SCD5: variants seen among roughly 807,000 people sequenced by gnomAD.
The protein encoded by SCD5 is acyl-CoA-desaturase 4.
Under a neutral mutation model 30.4 loss-of-function variants are expected in SCD5, and 20 were observed. The observed-to-expected ratio is 0.66, with a 90% confidence interval of 0.46 to 0.96. The LOEUF (loss-of-function observed/expected upper bound fraction) is 0.96. Among genes scored for constraint, SCD5 ranks in the 40% least tolerant of loss-of-function variants. SCD5 has a pLI of 0.00. For missense variants in SCD5, 381 were observed against 443.3 expected (o/e 0.86, Z 1.26); for synonymous variants, 173 against 176.4 (o/e 0.98, Z 0.16).
At position 82,665,086 on chromosome 4, in the gene SCD5, T is replaced by A. The variant is rs1004337192; in HGVS notation, c.569+15621A>T. On this transcript the variant is annotated intron_variant, in intron 3 of 4. Transcript: ENST00000319540. ...CATATATATATATATATTTTTTTTTTAATTTAATCAGGCATGGTGGTATGT... is the reference window on the plus strand; with the variant it reads ...CATATATATATATATATTTTTTTTTAAATTTAATCAGGCATGGTGGTATGT... Among the ~76,000 whole-genome samples the A allele has an allele frequency of 2.7e-4, 37 of 136,204 alleles. 1 individual carries two copies. The highest frequency in any genetic ancestry group is 1.0e-3 in the African/African-American group (35 of 35,156). 89.4% of individuals were successfully genotyped at this position (136,204 alleles called of 152,430 possible).
intron 1 of SCD5, among the ~76,000 whole-genome samples, chr4:82,788,116 C>T (rs1160008665): frequency 2.6e-5 from 4 of 152,154 alleles, no homozygotes; most frequent in Non-Finnish European, 5.9e-5. Context: ...TGTGAAGACA[C>T]AGAAAGAAGG....
intron 1 of SCD5, among the ~76,000 whole-genome samples, chr4:82,730,835 C>T: frequency 6.6e-6 from 1 of 152,012 alleles, no homozygotes. Context: ...CCGCTTGCCT[C>T]GGCCTCCCAA....
At chr4:82,710,811 G>A (rs1217919802) in intron 1 of SCD5, among the ~76,000 whole-genome samples, 1 of 151,394 alleles carries the variant, frequency 6.6e-6, no homozygotes, top group Non-Finnish European at 1.5e-5. Flanking sequence ...AGGGAGAGAG[G>A]GAGGGAGGGA....
At chr4:82,755,103 C>G (rs1345733815) in intron 1 of SCD5, among the ~76,000 whole-genome samples, 1 of 132,262 alleles carries the variant, frequency 7.6e-6, no homozygotes, top group Non-Finnish European at 1.5e-5. Context: ...AACTATGCAG[C>G]TAACAAGAAG....
intron 1 of SCD5, among the ~76,000 whole-genome samples, chr4:82,752,482 C>T (rs979163728): frequency 8.6e-5 from 13 of 152,032 alleles, no homozygotes; most frequent in Non-Finnish European, 1.8e-4. Context: ...CCTGCATAAA[C>T]CAAAAGCTGT....
chr4:82,735,063 C>T (rs939441651), intron 1 of SCD5, among the ~76,000 whole-genome samples: 1 of 152,136 alleles, frequency 6.6e-6, no homozygotes, highest in African/African-American at 2.4e-5. Flanking sequence ...GCCACCACGC[C>T]CAGCCTGAGC....
chr4:82,766,737 C>T (rs1721495497), intron 1 of SCD5, among the ~76,000 whole-genome samples: 1 of 152,100 alleles, frequency 6.6e-6, no homozygotes, highest in Non-Finnish European at 1.5e-5. Flanking sequence ...TTCTGGAATC[C>T]AGTTAAGTTA....
At chr4:82,750,009 T>C (rs559342395) in intron 1 of SCD5, among the ~76,000 whole-genome samples, 4 of 152,340 alleles carry the variant, frequency 2.6e-5, no homozygotes, top group South Asian at 2.1e-4. Flanking sequence ...TGTATAACTG[T>C]AGCAAGTTAC....
chr4:82,707,332 T>C (rs1719991114), intron 1 of SCD5, among the ~76,000 whole-genome samples: 1 of 152,226 alleles, frequency 6.6e-6, no homozygotes. Flanking sequence ...TCATTGATTC[T>C]GGTTAGCTCA....
chr4:82,776,892 G>A (rs1292339648), intron 1 of SCD5, among the ~76,000 whole-genome samples: 1 of 152,210 alleles, frequency 6.6e-6, no homozygotes, highest in African/African-American at 2.4e-5. Context: ...TGACTTTGCT[G>A]CATAGGTTAT....
chr4:82,780,382 T>A (rs139930640), intron 1 of SCD5, among the ~76,000 whole-genome samples: 4 of 152,274 alleles, frequency 2.6e-5, no homozygotes, highest in Non-Finnish European at 5.9e-5. Context: ...CCCTTCTAGA[T>A]CTCGTGAGTA....
At chr4:82,685,710 T>A in intron 2 of SCD5, among the ~76,000 whole-genome samples, 1 of 145,908 alleles carries the variant, frequency 6.9e-6, no homozygotes, top group Non-Finnish European at 1.5e-5. Context: ...AGACTCTGTC[T>A]CAAAAAACAA....
intron 1 of SCD5, among the ~76,000 whole-genome samples, chr4:82,776,959 G>GAAAAAC (rs750096131): frequency 1.8e-4 from 27 of 152,156 alleles, no homozygotes; most frequent in Non-Finnish European, 3.1e-4. Context: ...GCATTCTGCT[G>GAAAAAC]AAAAACAAAA....
chr4:82,753,285 A>C, intron 1 of SCD5: 2 of 494,764 alleles, frequency 4.0e-6, no homozygotes, highest in Admixed American at 4.2e-5. Context: ...CTAGATGGCT[A>C]TGTGTGTTAA....
At chr4:82,742,806 A>G (rs1363826159) in intron 1 of SCD5, among the ~76,000 whole-genome samples, 3 of 152,182 alleles carry the variant, frequency 2.0e-5, no homozygotes, top group African/African-American at 4.8e-5. Flanking sequence ...TGTCCAGACA[A>G]TTACAGGAGA....
intron 3 of SCD5, among the ~76,000 whole-genome samples, chr4:82,672,601 G>C (rs80103530): frequency 6.6e-6 from 1 of 151,958 alleles, no homozygotes; most frequent in South Asian, 2.1e-4. Context: ...TGGTGAATTC[G>C]ACCATATATT....
intron 1 of SCD5, among the ~76,000 whole-genome samples, chr4:82,744,038 C>T (rs1720936159): frequency 6.6e-6 from 1 of 152,082 alleles, no homozygotes. Context: ...GTTGCCCAGG[C>T]TGGTCTCAAA....
At chr4:82,734,636 T>A (rs7672111) in intron 1 of SCD5, among the ~76,000 whole-genome samples, 2 of 152,006 alleles carry the variant, frequency 1.3e-5, no homozygotes, top group Admixed American at 6.5e-5. Flanking sequence ...ATACAAAACA[T>A]CAAAGCAACA....
rs1401402819 is a variant in SCD5, at chr4:82,712,288, A to T, written c.233-6875T>A. On this transcript the variant is annotated intron_variant, in intron 1 of 4. Coordinates refer to ENST00000319540, the MANE Select transcript of SCD5 (RefSeq NM_001037582.3). ...TATATATATATATATATATATATATATATATATATTTTATTTTTATTTTAT... is the reference window on the plus strand; with the variant it reads ...TATATATATATATATATATATATATTTATATATATTTTATTTTTATTTTAT... Among the ~76,000 whole-genome samples the T allele has an allele frequency of 2.5e-4, 10 of 40,284 alleles. 1 individual carries two copies. The highest frequency in any genetic ancestry group is 6.9e-4 in the African/African-American group (5 of 7,280). The allele number at this position is 40,284 out of a possible 152,430, so 26.4% of individuals were successfully genotyped here.
Sources: allele counts gnomAD v4.1 joint callset (sites outside exome capture counted in the v4.1 genomes callset), GRCh38; gene constraint gnomAD v4.1.1; transcripts MANE v1.5; gene names NCBI Gene and HGNC (gene_info 2026-07-23, HGNC 2026-07-21).